Variants in CCBE1 observed in about 807,000 individuals in gnomAD.
The protein encoded by CCBE1 is collagen and calcium binding EGF domains 1.
CCBE1 carries 37 observed loss-of-function variants against 50.0 expected under a neutral mutation model. The observed-to-expected ratio is 0.74, with a 90% confidence interval of 0.57 to 0.97. CCBE1 has a LOEUF of 0.97. CCBE1 is among the 50% of genes least tolerant of loss of function. CCBE1 has a pLI of 0.00. For missense variants in CCBE1, 538 were observed against 523.8 expected, an observed-to-expected ratio of 1.03 and a Z score of -0.26; for synonymous variants, 234 against 203.7, an observed-to-expected ratio of 1.15 and a Z score of -1.27.
chr18:59,456,034 C>T (rs940925719), intron 5 of CCBE1, among the ~76,000 whole-genome samples: 2 of 152,150 alleles, frequency 1.3e-5, no homozygotes, highest in African/African-American at 4.8e-5. Flanking sequence ...CCCTCTGTTC[C>T]ATCTCCACTT....
chr18:59,522,256 T>C (rs1260529041), intron 2 of CCBE1, among the ~76,000 whole-genome samples: 1 of 152,184 alleles, frequency 6.6e-6, no homozygotes, highest in Non-Finnish European at 1.5e-5. Flanking sequence ...TTCACATCAT[T>C]GATGGGTTCT....
intron 2 of CCBE1, among the ~76,000 whole-genome samples, chr18:59,645,753 T>A (rs557295719): frequency 3.3e-5 from 5 of 152,140 alleles, no homozygotes; most frequent in Non-Finnish European, 7.4e-5. Context: ...AAAGACAGGC[T>A]GGGCGCGGTG....
intron 2 of CCBE1, among the ~76,000 whole-genome samples, chr18:59,645,720 C>T (rs967713347): frequency 6.6e-6 from 1 of 152,206 alleles, no homozygotes; most frequent in Non-Finnish European, 1.5e-5. Flanking sequence ...CTTTGCTGCC[C>T]AAAACCTGCC....
chr18:59,561,141 A>C (rs1324669635), intron 2 of CCBE1, among the ~76,000 whole-genome samples: 2 of 152,228 alleles, frequency 1.3e-5, no homozygotes, highest in African/African-American at 2.4e-5. Context: ...TGTAAATGAT[A>C]ATCACCAAAA....
intron 2 of CCBE1, among the ~76,000 whole-genome samples, chr18:59,613,778 T>G (rs997673871): frequency 6.6e-6 from 1 of 151,624 alleles, no homozygotes. Context: ...TAGTTCTTAA[T>G]GACTTTCACA....
In CCBE1 at chr18:59,598,605, C is replaced by T. The variant is rs567308822; in HGVS notation, c.212+98024G>A. 5.9e-5 allele frequency among the ~76,000 whole-genome samples: 9 copies of T among 152,170 alleles called. No individual in the cohort carries two copies. In the East Asian group the frequency reaches 7.7e-4, roughly 13 times the overall value. On this transcript the variant is annotated intron_variant, in intron 2 of 10. Transcript: ENST00000439986. ...CAATCTACAGTACTACTTCTGTGCC[C>T]GTTTTCTTTGAAGAGTCACTGCTTC...
chr18:59,586,593 G>A (rs771582746), intron 2 of CCBE1, among the ~76,000 whole-genome samples: 3 of 152,092 alleles, frequency 2.0e-5, no homozygotes, highest in Non-Finnish European at 2.9e-5. Context: ...ACTCTCCTAC[G>A]GCCAAGGAGG....
intron 2 of CCBE1, among the ~76,000 whole-genome samples, chr18:59,583,688 C>A (rs879337455): frequency 1.6e-5 from 2 of 128,580 alleles, no homozygotes; most frequent in East Asian, 2.8e-4. Flanking sequence ...TGTGCGCGCG[C>A]GCGCGCGCGC....
At chr18:59,694,220 C>T (rs1568277382) in intron 2 of CCBE1, among the ~76,000 whole-genome samples, 2 of 152,146 alleles carry the variant, frequency 1.3e-5, no homozygotes, top group Non-Finnish European at 2.9e-5. Flanking sequence ...TCAGAAGTGG[C>T]TTCCAGAGTT....
intron 2 of CCBE1, among the ~76,000 whole-genome samples, chr18:59,584,389 C>T (rs998048338): frequency 4.6e-5 from 7 of 151,240 alleles, no homozygotes; most frequent in African/African-American, 1.2e-4. Context: ...TTAGGAGATA[C>T]ACCTAATGCT....
intron 2 of CCBE1, among the ~76,000 whole-genome samples, chr18:59,691,449 A>G (rs2054731412): frequency 6.6e-6 from 1 of 152,214 alleles, no homozygotes; most frequent in African/African-American, 2.4e-5. Flanking sequence ...TCTGTTGCCC[A>G]GGCTGGAGTG....
chr18:59,581,960 C>A (rs542870728), intron 2 of CCBE1, among the ~76,000 whole-genome samples: 5 of 152,226 alleles, frequency 3.3e-5, no homozygotes, highest in East Asian at 1.9e-4. Flanking sequence ...ACAATCCTAA[C>A]CCTCCTTAGG....
intron 2 of CCBE1, among the ~76,000 whole-genome samples, chr18:59,672,848 G>A (rs546194201): frequency 3.9e-5 from 6 of 152,272 alleles, no homozygotes; most frequent in South Asian, 4.1e-4. Flanking sequence ...TGGGGACTGC[G>A]GTGGGGGGAA....
intron 2 of CCBE1, among the ~76,000 whole-genome samples, chr18:59,566,307 T>C (rs2052825927): frequency 6.6e-6 from 1 of 152,358 alleles, no homozygotes; most frequent in African/African-American, 2.4e-5. Context: ...CACTTGTCTC[T>C]TGTGACCATC....
chr18:59,499,857 TG>T (rs769746237), intron 2 of CCBE1, among the ~76,000 whole-genome samples: 58 of 152,170 alleles, frequency 3.8e-4, no homozygotes, highest in Non-Finnish European at 7.2e-4. Flanking sequence ...TGTGTGGTGG[TG>T]GGAGTCCAGC....
At chr18:59,439,245 C>A (rs1034610700) in intron 9 of CCBE1, among the ~76,000 whole-genome samples, 1 of 151,998 alleles carries the variant, frequency 6.6e-6, no homozygotes, top group Non-Finnish European at 1.5e-5. Flanking sequence ...TGAGATCGTG[C>A]CACTGCACTC....
intron 2 of CCBE1, among the ~76,000 whole-genome samples, chr18:59,662,926 T>C (rs545684740): frequency 3.9e-5 from 6 of 152,188 alleles, no homozygotes; most frequent in African/African-American, 1.4e-4. Context: ...AGACCCTGTC[T>C]CAAAAAAATA....
At chr18:59,509,607 T>C (rs181909320) in intron 2 of CCBE1, among the ~76,000 whole-genome samples, 22 of 152,190 alleles carry the variant, frequency 1.4e-4, no homozygotes, top group Middle Eastern at 3.4e-3. Flanking sequence ...GAAACACAAA[T>C]TTTGGCCACA....
chr18:59,597,683 G>T (rs1184289332), intron 2 of CCBE1, among the ~76,000 whole-genome samples: 1 of 152,180 alleles, frequency 6.6e-6, no homozygotes, highest in Non-Finnish European at 1.5e-5. Flanking sequence ...TAGTAACTCT[G>T]CCAGCATCAC....
Sources: gnomAD v4.1 joint callset for allele counts (sites outside exome capture counted in the v4.1 genomes callset) on GRCh38, gnomAD v4.1.1 for gene constraint, MANE v1.5 for transcripts, NCBI Gene and HGNC (gene_info 2026-07-23, HGNC 2026-07-21) for gene names.